The following BTBD10 variants were observed in gnomAD, a reference collection of about 807,000 sequenced individuals.
BTBD10 encodes BTB domain containing 10.
Under a neutral mutation model 53.2 loss-of-function variants are expected in BTBD10, and 21 were observed. The observed-to-expected ratio is 0.39, with a 90% confidence interval of 0.28 to 0.57. BTBD10 has a LOEUF of 0.57. Ranked by LOEUF, BTBD10 falls within the 20% of genes least tolerant of loss-of-function variation. BTBD10 has a pLI of 0.53. For synonymous variants in BTBD10, 149 were observed against 192.7 expected (o/e 0.77, Z 1.88); for missense variants, 360 against 594.7 (o/e 0.61, Z 4.10).
chr11:13,414,555 G>A (rs1450150488), intron 5 of BTBD10, among the ~76,000 whole-genome samples: 1 of 152,074 alleles, frequency 6.6e-6, no homozygotes, highest in Non-Finnish European at 1.5e-5. Context: ...TCGGGAGGCT[G>A]AGGCAGGAGA....
chr11:13,461,772 CTG>C (rs1432073799), intron 1 of BTBD10, among the ~76,000 whole-genome samples: 1 of 152,186 alleles, frequency 6.6e-6, no homozygotes, highest in East Asian at 1.9e-4. Context: ...TGATTGAACA[CTG>C]TTACTCTCTG....
At chr11:13,402,579 T>G (rs1014799854) in intron 8 of BTBD10, among the ~76,000 whole-genome samples, 1 of 152,174 alleles carries the variant, frequency 6.6e-6, no homozygotes, top group Non-Finnish European at 1.5e-5. Context: ...GTTCCTCTTA[T>G]GGGTATTTTA....
chr11:13,454,893 A>G (rs1205669778), intron 1 of BTBD10, among the ~76,000 whole-genome samples: 1 of 151,878 alleles, frequency 6.6e-6, no homozygotes, highest in East Asian at 1.9e-4. Flanking sequence ...TCTGTTGTTT[A>G]TTTATTTATT....
chr11:13,395,113 G>C (rs1051476875), intron 8 of BTBD10, among the ~76,000 whole-genome samples: 3 of 146,174 alleles, frequency 2.1e-5, no homozygotes, highest in African/African-American at 7.4e-5. Flanking sequence ...ATGAGGAATC[G>C]CCACACCAAC....
At chr11:13,403,094 T>C (rs914299154) in intron 8 of BTBD10, 74 bp downstream of exon 8, 9 of 946,188 alleles carry the variant, frequency 9.5e-6, no homozygotes, top group Non-Finnish European at 1.4e-5. Context: ...AACTGTATTC[T>C]AAATAAGATC....
At chr11:13,393,174 A>G (rs1949451207) in intron 8 of BTBD10, among the ~76,000 whole-genome samples, 1 of 152,222 alleles carries the variant, frequency 6.6e-6, no homozygotes, top group South Asian at 2.1e-4. Flanking sequence ...AAGCCTGCTT[A>G]AAAGTAAGTA....
In BTBD10 at chr11:13,409,897, G is replaced by A. The variant is rs1172929820; in HGVS notation, c.808+3633C>T. 5.3e-5 allele frequency among the ~76,000 whole-genome samples: 8 copies of A among 152,272 alleles called. No individual in the cohort carries two copies. In the South Asian group the frequency reaches 1.7e-3, roughly 32 times the overall value. On this transcript the variant is annotated intron_variant, in intron 6 of 8. Transcript: ENST00000278174. ...AACTCATAAAAAGCTTGATTAAGAA[G>A]GAAGAGGGGACGAAAGGACAAGTTA...
chr11:13,433,728 T>C (rs544376712), intron 2 of BTBD10, among the ~76,000 whole-genome samples: 1 of 152,240 alleles, frequency 6.6e-6, no homozygotes, highest in East Asian at 1.9e-4. Flanking sequence ...AATGACAAAG[T>C]TGAGTGGTTA....
chr11:13,399,562 C>T (rs918517718), intron 8 of BTBD10, among the ~76,000 whole-genome samples: 2 of 152,198 alleles, frequency 1.3e-5, no homozygotes, highest in Non-Finnish European at 2.9e-5. Flanking sequence ...AAGTCATTCT[C>T]CATTCAGCTT....
Position 13,449,390 on chromosome 11 carries a change from T to G in BTBD10, c.-57-4209A>C, listed in dbSNP as rs532394150. ...TCATATATGAGGAAATCTTAAGAGATAAGATTAAAACCCCAGTCTAACAAA... is the reference window on the plus strand; with the variant it reads ...TCATATATGAGGAAATCTTAAGAGAGAAGATTAAAACCCCAGTCTAACAAA... On this transcript the variant is annotated intron_variant, in intron 1 of 8. Coordinates refer to ENST00000278174, the MANE Select transcript of BTBD10 (RefSeq NM_032320.7). Among the ~76,000 whole-genome samples, 33 of 151,838 alleles carry G rather than the reference T, an allele frequency of 2.2e-4. 1 individual carries two copies. In the South Asian group the frequency reaches 4.1e-3, roughly 19 times the overall value.
intron 1 of BTBD10, among the ~76,000 whole-genome samples, chr11:13,454,676 A>AC (rs1257076559): frequency 4.0e-5 from 6 of 151,888 alleles, no homozygotes; most frequent in Non-Finnish European, 8.8e-5. Flanking sequence ...ACATAATGAG[A>AC]CCCCCAGGTC....
At chr11:13,389,328 A>T (rs555820989) in intron 8 of BTBD10, among the ~76,000 whole-genome samples, 187 bp from the exon 9 acceptor site, 1 of 152,144 alleles carries the variant, frequency 6.6e-6, no homozygotes, top group Non-Finnish European at 1.5e-5. Flanking sequence ...GATGTAATTC[A>T]TAAAATCTTC....
chr11:13,414,826 C>T (rs1223010243), intron 5 of BTBD10, among the ~76,000 whole-genome samples: 1 of 124,912 alleles, frequency 8.0e-6, no homozygotes, highest in African/African-American at 3.0e-5. Flanking sequence ...GGCGACGGAG[C>T]GAGCCTCCAT....
chr11:13,460,787 T>C (rs1205007865), intron 1 of BTBD10, among the ~76,000 whole-genome samples: 2 of 152,218 alleles, frequency 1.3e-5, no homozygotes, highest in Admixed American at 1.3e-4. Context: ...AGGAAGACAA[T>C]GTGGGATAGC....
At position 13,445,006 on chromosome 11, in the gene BTBD10, T is replaced by C; in HGVS notation, c.101+18A>G. ...TTTAGCAGAGCTTTCATATGCGAAA[T>C]ACATATTTTCTACCTACCTTGAATG... is the stretch of plus-strand genomic sequence containing the variant. On this transcript the variant is annotated intron_variant, in intron 2 of 8. Transcript: ENST00000278174. 1 of 1,574,624 alleles carries C rather than the reference T, an allele frequency of 6.4e-7. No individual in the cohort carries two copies. The highest frequency in any genetic ancestry group is 1.3e-5 in the African/African-American group (1 of 74,096).
intron 2 of BTBD10, among the ~76,000 whole-genome samples, chr11:13,439,212 T>C (rs1950601655): frequency 6.6e-6 from 1 of 152,120 alleles, no homozygotes; most frequent in Non-Finnish European, 1.5e-5. Context: ...TTTAAATTGT[T>C]GTAAAATTTC....
intron 1 of BTBD10, among the ~76,000 whole-genome samples, chr11:13,448,330 C>T (rs2134040815): frequency 6.6e-6 from 1 of 152,236 alleles, no homozygotes; most frequent in Non-Finnish European, 1.5e-5. Flanking sequence ...TTCCATCTTC[C>T]TCTCTTCTCT....
intron 8 of BTBD10, among the ~76,000 whole-genome samples, chr11:13,397,828 C>T (rs1949596952): frequency 6.6e-6 from 1 of 152,190 alleles, no homozygotes; most frequent in Admixed American, 6.5e-5. Flanking sequence ...GAAGGTTGTT[C>T]AGTTTCCATG....
chr11:13,399,598 A>T (rs1949657150), intron 8 of BTBD10, among the ~76,000 whole-genome samples: 1 of 152,164 alleles, frequency 6.6e-6, no homozygotes, highest in Non-Finnish European at 1.5e-5. Context: ...GAGGAGCTGC[A>T]TTCCTTTGGA....
Sources: allele counts gnomAD v4.1 joint callset (sites outside exome capture counted in the v4.1 genomes callset), GRCh38; gene constraint gnomAD v4.1.1; transcripts MANE v1.5; gene names NCBI Gene and HGNC (gene_info 2026-07-23, HGNC 2026-07-21).